Variants in AOPEP observed in about 807,000 individuals in gnomAD.
AOPEP encodes aminopeptidase O (putative).
Under a neutral mutation model 98.1 loss-of-function variants are expected in AOPEP, and 77 were observed. The ratio of observed to expected loss-of-function variants is 0.78; its 90% confidence interval spans 0.65 to 0.95. The LOEUF (loss-of-function observed/expected upper bound fraction) is 0.95. Ranked by LOEUF, AOPEP falls within the 40% of genes least tolerant of loss-of-function variation. AOPEP has a pLI of 0.00. For synonymous variants in AOPEP, 346 were observed against 365.3 expected (o/e 0.95, Z 0.60); for missense variants, 1,024 against 1,024.7 (o/e 1.00, Z 0.01).
At chr9:94,870,337 A>AT (rs1199119699) in intron 5 of AOPEP, among the ~76,000 whole-genome samples, 7 of 152,212 alleles carry the variant, frequency 4.6e-5, no homozygotes, top group African/African-American at 1.4e-4. Flanking sequence ...CAAAACATGA[A>AT]TTTTTTTAAG....
At chr9:95,121,633 A>G in the AOPEP span, among the ~76,000 whole-genome samples, 2 of 152,192 alleles carry the variant, frequency 1.3e-5, no homozygotes, top group Admixed American at 6.5e-5. Flanking sequence ...CGTTTTCACA[A>G]TGGACTATGC....
chr9:94,846,753 T>G (rs951519578), intron 5 of AOPEP, among the ~76,000 whole-genome samples: 1 of 152,032 alleles, frequency 6.6e-6, no homozygotes, highest in African/African-American at 2.4e-5. Context: ...TACAAAAATT[T>G]TAAAAAGTTA....
At chr9:95,125,583 ATG>A in the AOPEP span, among the ~76,000 whole-genome samples, 1 of 152,222 alleles carries the variant, frequency 6.6e-6, no homozygotes, top group Admixed American at 6.5e-5. Flanking sequence ...TAGGAAAATA[ATG>A]TGTGTGTACC....
chr9:95,110,459 T>TAA, the AOPEP span: 1 of 1,028,888 alleles, frequency 9.7e-7, no homozygotes, highest in Admixed American at 5.7e-5. Flanking sequence ...GGGGAAGAAA[T>TAA]AAAAAGCTTT....
At chr9:94,820,271 C>T (rs1588387953) in intron 5 of AOPEP, among the ~76,000 whole-genome samples, 1 of 152,018 alleles carries the variant, frequency 6.6e-6, no homozygotes, top group Non-Finnish European at 1.5e-5. Context: ...TGTTTTTGTT[C>T]CCCACCTCTG....
chr9:94,843,911 A>T (rs910952074), intron 5 of AOPEP, among the ~76,000 whole-genome samples: 2 of 152,152 alleles, frequency 1.3e-5, no homozygotes, highest in Admixed American at 1.3e-4. Context: ...TTGGTAAGTT[A>T]TTTAAAGATA....
intron 12 of AOPEP, 91 bp from the exon 13 acceptor site, chr9:95,005,451 G>T: frequency 1.6e-6 from 2 of 1,287,090 alleles, no homozygotes; most frequent in Non-Finnish European, 2.3e-6. Flanking sequence ...AGACCAGGTC[G>T]CGAGGCCGGG....
chr9:95,111,233 G>A, the AOPEP span: 3 of 1,537,374 alleles, frequency 2.0e-6, no homozygotes, highest in Non-Finnish European at 2.6e-6. Flanking sequence ...TCGTTTTGCA[G>A]GAGAATGGGC....
At chr9:94,822,044 G>C (rs1298865900) in intron 5 of AOPEP, among the ~76,000 whole-genome samples, 1 of 150,614 alleles carries the variant, frequency 6.6e-6, no homozygotes, top group Non-Finnish European at 1.5e-5. Flanking sequence ...CCCGCTCGTG[G>C]CTGTGTGCTA....
intron 5 of AOPEP, among the ~76,000 whole-genome samples, chr9:94,831,451 C>T (rs996221204): frequency 6.6e-6 from 1 of 152,188 alleles, no homozygotes; most frequent in Non-Finnish European, 1.5e-5. Flanking sequence ...GTTTTGGTTA[C>T]TGTAGCCTTG....
chr9:95,138,514 C>T, the AOPEP span, among the ~76,000 whole-genome samples: 1 of 152,180 alleles, frequency 6.6e-6, no homozygotes, highest in Non-Finnish European at 1.5e-5. Flanking sequence ...TAGGAGAGTT[C>T]GCCTCTCAGT....
intron 5 of AOPEP, among the ~76,000 whole-genome samples, chr9:94,840,661 A>T (rs2134790463): frequency 6.6e-6 from 1 of 152,276 alleles, no homozygotes; most frequent in Non-Finnish European, 1.5e-5. Context: ...TTAACTACAG[A>T]TTTAATTTCA....
chr9:94,948,185 A>T (rs1273895874), intron 7 of AOPEP, among the ~76,000 whole-genome samples: 4 of 152,118 alleles, frequency 2.6e-5, no homozygotes, highest in Non-Finnish European at 5.9e-5. Flanking sequence ...CTCATAGGCA[A>T]ATCTGTTAAG....
chr9:95,031,508 G>A lies in AOPEP; in HGVS notation c.2115+25892G>A, dbSNP rs1304431715. On this transcript the variant is annotated intron_variant, in intron 13 of 16. Transcript: ENST00000375315. ...CATTTTTTAATAGAAACTGATACCC[G>A]ATTTAAACATCACCATCTATCAAAG... Among the ~76,000 whole-genome samples, 6 of 152,228 alleles carry A rather than the reference G, an allele frequency of 3.9e-5. No individual in the cohort carries two copies. In the South Asian group the frequency reaches 8.3e-4, roughly 21 times the overall value.
chr9:94,840,891 C>T (rs2042190149), intron 5 of AOPEP, among the ~76,000 whole-genome samples: 1 of 152,034 alleles, frequency 6.6e-6, no homozygotes, highest in Non-Finnish European at 1.5e-5. Flanking sequence ...CTTTGTCCAT[C>T]TGGCTAGAGG....
the AOPEP span, chr9:95,099,842 G>C: frequency 4.3e-6 from 1 of 232,864 alleles, no homozygotes; most frequent in African/African-American, 2.2e-5. Flanking sequence ...AAGTCTTCCA[G>C]ATGCCTAGCT....
chr9:94,995,456 C>T (rs2061162311), intron 11 of AOPEP, among the ~76,000 whole-genome samples: 1 of 152,162 alleles, frequency 6.6e-6, no homozygotes, highest in Non-Finnish European at 1.5e-5. Context: ...GTGGCAATGA[C>T]AGAGAGTGCC....
intron 7 of AOPEP, among the ~76,000 whole-genome samples, chr9:94,936,462 A>T (rs2056292937): frequency 9.9e-5 from 15 of 152,208 alleles, no homozygotes; most frequent in Admixed American, 9.8e-4. Flanking sequence ...AGATGTTGAC[A>T]GATTTGGTTT....
intron 13 of AOPEP, among the ~76,000 whole-genome samples, chr9:95,030,319 A>C (rs557413069): frequency 2.0e-4 from 30 of 152,232 alleles, no homozygotes; most frequent in Non-Finnish European, 3.7e-4. Context: ...AGGTGGTTTC[A>C]TGCAGGCTAC....
Sources: allele counts gnomAD v4.1 joint callset (sites outside exome capture counted in the v4.1 genomes callset), GRCh38; gene constraint gnomAD v4.1.1; transcripts MANE v1.5; gene names NCBI Gene and HGNC (gene_info 2026-07-23, HGNC 2026-07-21).